Variants in SORCS1 observed in about 807,000 individuals in gnomAD.
SORCS1 encodes VPS10 domain-containing receptor SorCS1.
A neutral mutation model predicts 146.1 loss-of-function variants in SORCS1; 60 were observed. The observed-to-expected ratio is 0.41, with a 90% confidence interval of 0.33 to 0.51. The LOEUF (loss-of-function observed/expected upper bound fraction) is 0.51, where lower values mean the gene tolerates loss of function less well. Among genes scored for constraint, SORCS1 ranks in the 20% least tolerant of loss-of-function variants. SORCS1 has a pLI of 0.21. For synonymous variants in SORCS1, 637 were observed against 584.0 expected (o/e 1.09, Z -1.31); for missense variants, 1,352 against 1,487.6 (o/e 0.91, Z 1.50).
chr10:107,079,058 T>C (rs1226583753), intron 1 of SORCS1, among the ~76,000 whole-genome samples: 1 of 152,142 alleles, frequency 6.6e-6, no homozygotes, highest in Non-Finnish European at 1.5e-5. Context: ...ACCACGTCTC[T>C]ACTAAAAATA....
At chr10:106,657,625 A>G (rs192101427) in intron 17 of SORCS1, among the ~76,000 whole-genome samples, 8 of 147,488 alleles carry the variant, frequency 5.4e-5, no homozygotes, top group Non-Finnish European at 1.0e-4. Context: ...TATATAATAA[A>G]TATATATTAT....
At chr10:106,754,632 G>A (rs532876291) in intron 5 of SORCS1, among the ~76,000 whole-genome samples, 1 of 152,180 alleles carries the variant, frequency 6.6e-6, no homozygotes, top group South Asian at 2.1e-4. Context: ...TGGGGAATGG[G>A]AAGTCATTCA....
At chr10:106,579,655 C>A (rs1844786931) in intron 24 of SORCS1, among the ~76,000 whole-genome samples, 181 bp from the exon 25 acceptor site, 1 of 151,712 alleles carries the variant, frequency 6.6e-6, no homozygotes, top group South Asian at 2.1e-4. Flanking sequence ...CCTACTCCCA[C>A]CCCAAATGTT....
intron 1 of SORCS1, among the ~76,000 whole-genome samples, chr10:107,146,125 G>T (rs1302700052): frequency 6.6e-6 from 1 of 152,118 alleles, no homozygotes; most frequent in Non-Finnish European, 1.5e-5. Flanking sequence ...CCAGTTTCAG[G>T]TATAAGTATA....
chr10:106,959,626 T>C (rs549875735), intron 1 of SORCS1, among the ~76,000 whole-genome samples: 2 of 152,306 alleles, frequency 1.3e-5, no homozygotes, highest in African/African-American at 4.8e-5. Flanking sequence ...TTCTCTGTTG[T>C]TTTTGTTGTA....
intron 2 of SORCS1, among the ~76,000 whole-genome samples, chr10:106,878,042 C>G (rs1310151255): frequency 1.3e-5 from 2 of 152,172 alleles, no homozygotes; most frequent in African/African-American, 4.8e-5. Flanking sequence ...GGTTTCTCTA[C>G]TCCTACTCCT....
chr10:106,801,727 T>C (rs1407317471), intron 3 of SORCS1, among the ~76,000 whole-genome samples: 3 of 152,152 alleles, frequency 2.0e-5, no homozygotes, highest in African/African-American at 7.2e-5. Context: ...AGATGTGGTT[T>C]CACTGTGTTA....
chr10:106,755,709 G>C (rs1159464823), intron 5 of SORCS1, among the ~76,000 whole-genome samples: 1 of 152,104 alleles, frequency 6.6e-6, no homozygotes, highest in Non-Finnish European at 1.5e-5. Flanking sequence ...GGGTAGATAT[G>C]TGTCTGACCT....
chr10:106,829,721 G>T lies in SORCS1; in HGVS notation c.627-48C>A, dbSNP rs548793711. 6 of 1,456,210 alleles carry T rather than the reference G, an allele frequency of 4.1e-6. No homozygotes were observed. In the Admixed American group the frequency reaches 1.0e-4, roughly 25 times the overall value. The allele number at this position is 1,456,210 out of a possible 1,614,324, so 90.2% of individuals were successfully genotyped here. ...ATGAGGACAGAAGTATATGTCATTT[G>T]GCTGCTTGTCAGTATAATGCATGCT... On this transcript the variant is annotated intron_variant, in intron 2 of 25. Transcript: ENST00000263054.
intron 3 of SORCS1, among the ~76,000 whole-genome samples, chr10:106,810,340 C>T (rs1589446576): frequency 1.3e-5 from 2 of 152,116 alleles, no homozygotes; most frequent in African/African-American, 4.8e-5. Flanking sequence ...ATCTTGCAGG[C>T]AATGATATAT....
At chr10:106,665,002 G>C (rs1851023231) in intron 17 of SORCS1, among the ~76,000 whole-genome samples, 1 of 151,802 alleles carries the variant, frequency 6.6e-6, no homozygotes, top group African/African-American at 2.4e-5. Context: ...AGACCTCACT[G>C]ACCCATTGCT....
intron 1 of SORCS1, among the ~76,000 whole-genome samples, chr10:107,117,773 A>G (rs1966134265): frequency 6.6e-6 from 1 of 152,056 alleles, no homozygotes; most frequent in African/African-American, 2.4e-5. Context: ...CTGTCACACA[A>G]TTGTATTTTG....
intron 1 of SORCS1, among the ~76,000 whole-genome samples, chr10:107,001,897 T>C: frequency 6.6e-6 from 1 of 152,236 alleles, no homozygotes; most frequent in East Asian, 1.9e-4. Flanking sequence ...TTATTATTGG[T>C]TATATGTGAG....
intron 1 of SORCS1, among the ~76,000 whole-genome samples, chr10:107,056,603 T>G (rs1265461824): frequency 6.6e-6 from 1 of 152,194 alleles, no homozygotes; most frequent in African/African-American, 2.4e-5. Flanking sequence ...TAACCATCGA[T>G]AGCTAATTCA....
chr10:106,593,795 G>A (rs1335798999), intron 24 of SORCS1, among the ~76,000 whole-genome samples: 1 of 151,968 alleles, frequency 6.6e-6, no homozygotes, highest in Non-Finnish European at 1.5e-5. Flanking sequence ...TTTTTTCTTT[G>A]GTGACTTTGT....
At chr10:107,074,224 C>T (rs1252110819) in intron 1 of SORCS1, among the ~76,000 whole-genome samples, 1 of 152,176 alleles carries the variant, frequency 6.6e-6, no homozygotes, top group Non-Finnish European at 1.5e-5. Context: ...CACCGGGCAA[C>T]CACTCATCTT....
intron 18 of SORCS1, among the ~76,000 whole-genome samples, chr10:106,650,415 C>G (rs551485942): frequency 3.2e-4 from 49 of 152,312 alleles, no homozygotes; most frequent in African/African-American, 1.2e-3. Flanking sequence ...AAATCTTTAT[C>G]TCCCCGAAGG....
At chr10:107,008,953 C>T (rs1388116560) in intron 1 of SORCS1, among the ~76,000 whole-genome samples, 3 of 152,178 alleles carry the variant, frequency 2.0e-5, no homozygotes, top group Admixed American at 6.5e-5. Flanking sequence ...GCCAAGATTG[C>T]GCCACTGCAC....
At chr10:107,022,384 G>C (rs1958189280) in intron 1 of SORCS1, among the ~76,000 whole-genome samples, 1 of 152,110 alleles carries the variant, frequency 6.6e-6, no homozygotes, top group Admixed American at 6.5e-5. Flanking sequence ...AGCTGTAAAG[G>C]ACAAGTGAAA....
Sources: gnomAD v4.1 joint callset for allele counts (sites outside exome capture counted in the v4.1 genomes callset) on GRCh38, gnomAD v4.1.1 for gene constraint, MANE v1.5 for transcripts, NCBI Gene and HGNC (gene_info 2026-07-23, HGNC 2026-07-21) for gene names.